RSF1: variants seen among roughly 807,000 people sequenced by gnomAD.
RSF1 encodes the protein HBV pX-associated protein 8.
RSF1 carries 13 observed loss-of-function variants against 145.2 expected under a neutral mutation model. That is an observed-to-expected ratio of 0.09 (90% CI 0.06 to 0.14). RSF1 has a LOEUF of 0.14. Among genes scored for constraint, RSF1 ranks in the 10% least tolerant of loss-of-function variants. The pLI is 1.00. For synonymous variants in RSF1, 577 were observed against 592.6 expected, an observed-to-expected ratio of 0.97 and a Z score of 0.38; for missense variants, 1,517 against 1,718.2, an observed-to-expected ratio of 0.88 and a Z score of 2.07.
At chr11:77,810,825 ATC>A (rs2135987340) in intron 1 of RSF1, among the ~76,000 whole-genome samples, 1 of 152,352 alleles carries the variant, frequency 6.6e-6, no homozygotes, top group East Asian at 1.9e-4. Flanking sequence ...AGAGATCATC[ATC>A]TGATAAGACT....
chr11:77,727,463 A>C (rs905908983), intron 4 of RSF1, among the ~76,000 whole-genome samples: 67 of 143,148 alleles, frequency 4.7e-4, no homozygotes, highest in Non-Finnish European at 8.3e-4. Context: ...TATTTCAATT[A>C]CTTCCACTAC....
At chr11:77,742,643 C>G (rs1947953890) in intron 3 of RSF1, among the ~76,000 whole-genome samples, 1 of 152,176 alleles carries the variant, frequency 6.6e-6, no homozygotes, top group African/African-American at 2.4e-5. Flanking sequence ...TTTTTGATAA[C>G]AGCCATCCTA....
chr11:77,825,558 T>C (rs1185704759), upstream of RSF1, among the ~76,000 whole-genome samples: 1 of 152,110 alleles, frequency 6.6e-6, no homozygotes, highest in African/African-American at 2.4e-5. Context: ...TGTATGAAAA[T>C]AAAAGGAAGC....
intron 1 of RSF1, among the ~76,000 whole-genome samples, chr11:77,792,288 T>TC (rs1948525451): frequency 6.6e-6 from 1 of 151,998 alleles, no homozygotes; most frequent in South Asian, 2.1e-4. Flanking sequence ...ACCAAGTCCC[T>TC]CCCACAACAC....
chr11:77,725,289 C>T (rs1961026363), intron 5 of RSF1, among the ~76,000 whole-genome samples: 1 of 152,084 alleles, frequency 6.6e-6, no homozygotes, highest in Non-Finnish European at 1.5e-5. Context: ...CTTCACATTC[C>T]TTAGTAAAAA....
At chr11:77,829,996 T>A in the RSF1 span, 14 of 152,166 alleles carry the variant, frequency 9.2e-5, no homozygotes, top group African/African-American at 3.4e-4. Flanking sequence ...CCAGACATGG[T>A]GATGCACACC....
intron 1 of RSF1, among the ~76,000 whole-genome samples, chr11:77,774,910 G>A (rs1261013108): frequency 6.6e-6 from 1 of 150,732 alleles, no homozygotes; most frequent in African/African-American, 2.4e-5. Context: ...AGGATTACAG[G>A]CGCCCGCCAC....
intron 5 of RSF1, among the ~76,000 whole-genome samples, chr11:77,706,733 T>C (rs1031377610): frequency 2.0e-5 from 3 of 152,138 alleles, no homozygotes; most frequent in African/African-American, 7.2e-5. Context: ...AAATTGCGTA[T>C]CATGAGGGTT....
At chr11:77,786,959 G>A (rs1023615404) in intron 1 of RSF1, among the ~76,000 whole-genome samples, 4 of 152,266 alleles carry the variant, frequency 2.6e-5, no homozygotes, top group Admixed American at 1.3e-4. Flanking sequence ...AAACAGGGAG[G>A]ATCAATCAAA....
At chr11:77,708,281 T>C (rs1960601125) in intron 5 of RSF1, among the ~76,000 whole-genome samples, 1 of 152,170 alleles carries the variant, frequency 6.6e-6, no homozygotes, top group Non-Finnish European at 1.5e-5. Context: ...TCGTCAGGCA[T>C]GGTGGTGCAC....
chr11:77,679,545 T>C (rs1243979708), intron 11 of RSF1, among the ~76,000 whole-genome samples: 2 of 151,818 alleles, frequency 1.3e-5, no homozygotes, highest in Non-Finnish European at 2.9e-5. Flanking sequence ...GTGTGGTGCG[T>C]GCCTGTAGTT....
At chr11:77,690,712 C>T (rs1041645909) in intron 9 of RSF1, among the ~76,000 whole-genome samples, 1 of 152,184 alleles carries the variant, frequency 6.6e-6, no homozygotes, top group Admixed American at 6.6e-5. Flanking sequence ...GCCACCATGC[C>T]CAGCTACTTC....
At chr11:77,787,014 G>T (rs150379885) in intron 1 of RSF1, among the ~76,000 whole-genome samples, 340 of 152,266 alleles carry the variant, frequency 2.2e-3, no homozygotes, top group African/African-American at 7.4e-3. Context: ...GAGTCAAGAA[G>T]GCAAAGGTAG....
chr11:77,806,327 G>C (rs928004492), intron 1 of RSF1, among the ~76,000 whole-genome samples: 1 of 152,028 alleles, frequency 6.6e-6, no homozygotes, highest in Non-Finnish European at 1.5e-5. Context: ...ATACTCAGAG[G>C]ATTCAAATAA....
intron 1 of RSF1, among the ~76,000 whole-genome samples, chr11:77,774,774 T>TTC (rs1225093572): frequency 0.012 from 1,224 of 102,226 alleles, 15 homozygotes; most frequent in African/African-American, 0.049. Flanking sequence ...CTTTTTTTTC[T>TTC]TTTTTTTTTG....
intron 15 of RSF1, among the ~76,000 whole-genome samples, chr11:77,671,164 TATATATATATA>T (rs1291880845): frequency 1.1e-5 from 1 of 90,672 alleles, no homozygotes; most frequent in East Asian, 3.1e-4. Context: ...TATATATATA[TATATATATATA>T]TATTTATATG....
At chr11:77,813,195 A>G (rs529716571) in intron 1 of RSF1, 2 of 419,272 alleles carry the variant, frequency 4.8e-6, no homozygotes, top group Non-Finnish European at 4.3e-6. Context: ...GTATTTTTAA[A>G]TGAATATTAA....
At chr11:77,771,262 C>T (rs1038079862) in intron 1 of RSF1, among the ~76,000 whole-genome samples, 1 of 152,180 alleles carries the variant, frequency 6.6e-6, no homozygotes, top group Non-Finnish European at 1.5e-5. Flanking sequence ...CCTAGATGCA[C>T]CACTTGTCAA....
intron 1 of RSF1, among the ~76,000 whole-genome samples, chr11:77,792,840 C>T (rs118041215): frequency 0.013 from 2,031 of 151,684 alleles, 21 homozygotes; most frequent in Middle Eastern, 0.045. Flanking sequence ...GAAAATTCAT[C>T]ACCATTAAAG....
Sources: allele counts gnomAD v4.1 joint callset (sites outside exome capture counted in the v4.1 genomes callset), GRCh38; gene constraint gnomAD v4.1.1; transcripts MANE v1.5; gene names NCBI Gene and HGNC (gene_info 2026-07-23, HGNC 2026-07-21).